SOX6: variants seen among roughly 807,000 people sequenced by gnomAD.
SOX6 encodes transcription factor SOX-6.
SOX6 carries 11 observed loss-of-function variants against 97.8 expected under a neutral mutation model. The ratio of observed to expected loss-of-function variants is 0.11; its 90% confidence interval spans 0.07 to 0.19. The LOEUF (loss-of-function observed/expected upper bound fraction) is 0.19. Among genes scored for constraint, SOX6 ranks in the 10% least tolerant of loss-of-function variants. The pLI is 1.00. For synonymous variants in SOX6, 360 were observed against 371.4 expected, an observed-to-expected ratio of 0.97 and a Z score of 0.35; for missense variants, 810 against 1,039.5, an observed-to-expected ratio of 0.78 and a Z score of 3.04.
intron 1 of SOX6, among the ~76,000 whole-genome samples, chr11:16,342,884 A>G (rs1856675553): frequency 6.6e-6 from 1 of 151,878 alleles, no homozygotes; most frequent in African/African-American, 2.4e-5. Context: ...TAATCATTCT[A>G]CAAGTAACAA....
intron 3 of SOX6, among the ~76,000 whole-genome samples, chr11:16,674,181 C>T (rs182645311): frequency 0.018 from 1,457 of 81,864 alleles, 11 homozygotes; most frequent in Non-Finnish European, 0.027. Flanking sequence ...CAGAGTGAGA[C>T]TCCATCTCAA....
At chr11:16,021,159 C>T (rs1465534801) in intron 12 of SOX6, among the ~76,000 whole-genome samples, 4 of 152,084 alleles carry the variant, frequency 2.6e-5, no homozygotes, top group Non-Finnish European at 4.4e-5. Context: ...GAAGTCTTCG[C>T]AAAACTCTGG....
intron 1 of SOX6, among the ~76,000 whole-genome samples, chr11:16,471,435 C>T (rs1860140981): frequency 6.9e-6 from 1 of 144,570 alleles, no homozygotes; most frequent in African/African-American, 2.5e-5. Flanking sequence ...AACAATATCC[C>T]ACCTTCCTTA....
At chr11:16,660,917 T>A (rs1054433314) in intron 3 of SOX6, among the ~76,000 whole-genome samples, 1 of 152,224 alleles carries the variant, frequency 6.6e-6, no homozygotes, top group Non-Finnish European at 1.5e-5. Flanking sequence ...TTTTTGGTAT[T>A]TTTGTTACAG....
intron 9 of SOX6, among the ~76,000 whole-genome samples, chr11:16,079,787 A>C (rs988848735): frequency 6.6e-6 from 1 of 151,974 alleles, no homozygotes; most frequent in African/African-American, 2.4e-5. Flanking sequence ...AATTATTAGT[A>C]CTGCCAACTG....
intron 3 of SOX6, among the ~76,000 whole-genome samples, chr11:16,673,378 G>T (rs61026709): frequency 6.6e-6 from 1 of 151,818 alleles, no homozygotes; most frequent in African/African-American, 2.4e-5. Flanking sequence ...AAGAAAAAAA[G>T]AGAAAAAACT....
chr11:16,515,979 T>C (rs1023590153), intron 4 of SOX6, among the ~76,000 whole-genome samples: 22 of 151,854 alleles, frequency 1.4e-4, no homozygotes, highest in African/African-American at 5.1e-4. Context: ...AGGCAGGTAG[T>C]GTGATGCCTC....
chr11:16,181,623 C>T (rs947964551), intron 6 of SOX6, among the ~76,000 whole-genome samples: 1 of 149,526 alleles, frequency 6.7e-6, no homozygotes, highest in Non-Finnish European at 1.5e-5. Context: ...GAGATGAATA[C>T]ATTTTGTGAT....
intron 3 of SOX6, among the ~76,000 whole-genome samples, chr11:16,272,897 G>A (rs1298440802): frequency 6.6e-6 from 1 of 151,838 alleles, no homozygotes; most frequent in Non-Finnish European, 1.5e-5. Context: ...AGACCCTGAA[G>A]AAGATGCTGG....
chr11:16,718,503 A>G (rs1463919311), intron 2 of SOX6, among the ~76,000 whole-genome samples: 1 of 152,202 alleles, frequency 6.6e-6, no homozygotes, highest in Non-Finnish European at 1.5e-5. Flanking sequence ...CTGAAATGCA[A>G]TCTTCAAAAA....
At chr11:16,056,372 C>T (rs766559825) in intron 9 of SOX6, among the ~76,000 whole-genome samples, 1 of 152,166 alleles carries the variant, frequency 6.6e-6, no homozygotes, top group Non-Finnish European at 1.5e-5. Context: ...CTCTGCATCT[C>T]TGGGTATTCT....
chr11:16,073,238 G>T (rs768442388), intron 9 of SOX6, among the ~76,000 whole-genome samples: 3 of 152,076 alleles, frequency 2.0e-5, no homozygotes, highest in African/African-American at 4.8e-5. Flanking sequence ...TAAAGGTAAA[G>T]AGATGGAGAA....
intron 4 of SOX6, among the ~76,000 whole-genome samples, chr11:16,188,630 T>G (rs553922774): frequency 3.1e-4 from 47 of 152,310 alleles, no homozygotes; most frequent in African/African-American, 1.0e-3. Context: ...TTTTTTAAAT[T>G]TACATATTGA....
chr11:16,729,626 T>C (rs948492238), intron 2 of SOX6, among the ~76,000 whole-genome samples: 1 of 152,078 alleles, frequency 6.6e-6, no homozygotes, highest in Non-Finnish European at 1.5e-5. Context: ...TGCAAAAACA[T>C]ACCAAATTGT....
At chr11:16,674,884 G>C (rs1334790548) in intron 3 of SOX6, among the ~76,000 whole-genome samples, 1 of 152,208 alleles carries the variant, frequency 6.6e-6, no homozygotes, top group Non-Finnish European at 1.5e-5. Context: ...CTAGGAGGCA[G>C]AGGAAGGTTG....
At chr11:16,480,565 A>T (rs1304671921), upstream of SOX6, among the ~76,000 whole-genome samples, 1 of 152,118 alleles carries the variant, frequency 6.6e-6, no homozygotes, top group Non-Finnish European at 1.5e-5. Flanking sequence ...GTATAATTAG[A>T]CTTTAAAAGC....
intron 2 of SOX6, among the ~76,000 whole-genome samples, chr11:16,733,091 G>A (rs1459772139): frequency 6.6e-6 from 1 of 152,238 alleles, no homozygotes; most frequent in Non-Finnish European, 1.5e-5. Context: ...ATGCTGGATA[G>A]AATGTGGAGA....
intron 3 of SOX6, among the ~76,000 whole-genome samples, chr11:16,622,734 G>A (rs1267868412): frequency 1.3e-5 from 2 of 152,126 alleles, no homozygotes; most frequent in African/African-American, 4.8e-5. Context: ...ACATGCATGT[G>A]CAAGTCTCTT....
intron 4 of SOX6, among the ~76,000 whole-genome samples, chr11:16,524,960 C>A (rs1861132576): frequency 6.6e-6 from 1 of 152,096 alleles, no homozygotes; most frequent in Non-Finnish European, 1.5e-5. Flanking sequence ...AACTACAAAC[C>A]ACTGCTCAAT....
Sources: gnomAD v4.1 joint callset for allele counts (sites outside exome capture counted in the v4.1 genomes callset) on GRCh38, gnomAD v4.1.1 for gene constraint, MANE v1.5 for transcripts, NCBI Gene and HGNC (gene_info 2026-07-23, HGNC 2026-07-21) for gene names.